FSHR: variants seen among roughly 807,000 people sequenced by gnomAD.
FSHR encodes follicle-stimulating hormone receptor.
Under a neutral mutation model 52.1 loss-of-function variants are expected in FSHR, and 46 were observed. That is an observed-to-expected ratio of 0.88 (90% CI 0.70 to 1.13). The LOEUF (loss-of-function observed/expected upper bound fraction) is 1.13, where lower values mean the gene tolerates loss of function less well. FSHR is among the 50% of genes most tolerant of loss of function. The pLI, the probability that FSHR is intolerant of heterozygous loss-of-function variation, is 0.00. For missense variants in FSHR, 964 were observed against 834.6 expected, an observed-to-expected ratio of 1.16 and a Z score of -1.91; for synonymous variants, 399 against 309.6, an observed-to-expected ratio of 1.29 and a Z score of -3.03.
chr2:49,099,780 A>G (rs1472485326), intron 1 of FSHR, among the ~76,000 whole-genome samples: 5 of 152,104 alleles, frequency 3.3e-5, no homozygotes, highest in Admixed American at 3.3e-4. Context: ...GCTAAGAAAG[A>G]GGCATGGAAC....
intron 4 of FSHR, among the ~76,000 whole-genome samples, chr2:49,006,911 C>T (rs1300476863): frequency 6.6e-6 from 1 of 152,126 alleles, no homozygotes; most frequent in East Asian, 1.9e-4. Context: ...CACCACCTGA[C>T]ATTATCCAAC....
At chr2:49,029,855 G>T (rs1668039085) in intron 2 of FSHR, among the ~76,000 whole-genome samples, 1 of 152,088 alleles carries the variant, frequency 6.6e-6, no homozygotes, top group South Asian at 2.1e-4. Flanking sequence ...TGATCTCCAG[G>T]GTCCCTGCTA....
chr2:48,995,920 GCT>G (rs1389209503), intron 4 of FSHR, among the ~76,000 whole-genome samples: 2 of 152,120 alleles, frequency 1.3e-5, no homozygotes, highest in Non-Finnish European at 2.9e-5. Flanking sequence ...GTGTGAAACA[GCT>G]CTCTCTTAGT....
At chr2:49,072,590 G>A (rs1669777639) in intron 1 of FSHR, among the ~76,000 whole-genome samples, 1 of 152,064 alleles carries the variant, frequency 6.6e-6, no homozygotes, top group Admixed American at 6.6e-5. Flanking sequence ...AGAAACATTG[G>A]TAAAATGAAA....
At chr2:49,041,331 C>T (rs904412647) in intron 2 of FSHR, among the ~76,000 whole-genome samples, 8 of 152,138 alleles carry the variant, frequency 5.3e-5, no homozygotes, top group African/African-American at 1.4e-4. Flanking sequence ...ACAATGAACA[C>T]GCCTTTGCTG....
At position 49,137,216 on chromosome 2, in the gene FSHR, G is replaced by A. The variant is rs557121172; in HGVS notation, c.152+17050C>T. Among the ~76,000 whole-genome samples, 3 of 151,826 alleles carry A rather than the reference G, an allele frequency of 2.0e-5. No individual in the cohort carries two copies. In the East Asian group the frequency reaches 5.8e-4, roughly 29 times the overall value. ...AATTGTAGTTCTCTGTACTTGCAATGAACAAATTAAAAATAAGAGAAAAAT... is the reference window on the plus strand; with the variant it reads ...AATTGTAGTTCTCTGTACTTGCAATAAACAAATTAAAAATAAGAGAAAAAT... On this transcript the variant is annotated intron_variant, in intron 1 of 9. Transcript: ENST00000406846.
intron 8 of FSHR, among the ~76,000 whole-genome samples, chr2:48,974,635 G>C (rs911988669): frequency 6.6e-6 from 1 of 152,194 alleles, no homozygotes; most frequent in African/African-American, 2.4e-5. Context: ...TTTACTTAAA[G>C]CTTACTGTCT....
intron 9 of FSHR, among the ~76,000 whole-genome samples, 197 bp downstream of exon 9, chr2:48,968,501 C>A (rs887387893): frequency 6.6e-6 from 1 of 152,242 alleles, no homozygotes; most frequent in Non-Finnish European, 1.5e-5. Context: ...CTCCTGTGAG[C>A]CCACTTTCAA....
chr2:49,078,660 A>G (rs1356406099), intron 1 of FSHR, among the ~76,000 whole-genome samples: 1 of 152,198 alleles, frequency 6.6e-6, no homozygotes, highest in Non-Finnish European at 1.5e-5. Context: ...TAATAAACAT[A>G]GAAAATGTAT....
intron 1 of FSHR, among the ~76,000 whole-genome samples, chr2:49,078,861 C>G (rs1290546230): frequency 6.6e-6 from 1 of 151,862 alleles, no homozygotes; most frequent in Admixed American, 6.6e-5. Flanking sequence ...GATACCCTGG[C>G]CTACACAATA....
At chr2:49,005,613 T>C (rs1258759429) in intron 4 of FSHR, among the ~76,000 whole-genome samples, 1 of 152,066 alleles carries the variant, frequency 6.6e-6, no homozygotes, top group East Asian at 1.9e-4. Flanking sequence ...GTTTTAGGGG[T>C]TACTGAAAGT....
chr2:49,108,503 T>C (rs1671314555), intron 1 of FSHR, among the ~76,000 whole-genome samples: 4 of 152,122 alleles, frequency 2.6e-5, no homozygotes, highest in African/African-American at 7.2e-5. Context: ...CCAACCAAGC[T>C]CAGCTTAGAG....
chr2:49,067,270 C>T (rs907637026), intron 2 of FSHR, among the ~76,000 whole-genome samples: 2 of 152,110 alleles, frequency 1.3e-5, no homozygotes, highest in Non-Finnish European at 2.9e-5. Flanking sequence ...AACATAATGA[C>T]ATCTTCTATA....
intron 1 of FSHR, among the ~76,000 whole-genome samples, chr2:49,123,692 T>G (rs1389783156): frequency 6.6e-6 from 1 of 152,184 alleles, no homozygotes; most frequent in African/African-American, 2.4e-5. Flanking sequence ...ATGCCCTTCA[T>G]GCAAGATTCA....
At chr2:48,973,752 G>C (rs958965273) in intron 8 of FSHR, among the ~76,000 whole-genome samples, 3 of 152,172 alleles carry the variant, frequency 2.0e-5, no homozygotes, top group African/African-American at 7.2e-5. Flanking sequence ...AGATATACTG[G>C]GGAGTGACAT....
Position 49,049,426 on chromosome 2 carries a change from G to C in FSHR, c.224+18793C>G, listed in dbSNP as rs141064967. Among the ~76,000 whole-genome samples the C allele has an allele frequency of 2.4e-3, 365 of 152,206 alleles. 3 individuals carry two copies. The highest frequency in any genetic ancestry group is 8.2e-3 in the African/African-American group (341 of 41,536). ...CTTGAGTAACCTCTGTCATATCTTA[G>C]CACCTGGAAGTCTTAGTTGCTCAAT... On this transcript the variant is annotated intron_variant, in intron 2 of 9. Transcript: ENST00000406846.
intron 1 of FSHR, among the ~76,000 whole-genome samples, chr2:49,087,070 G>GT (rs56890721): frequency 0.1 from 8,701 of 86,456 alleles, 962 homozygotes; most frequent in African/African-American, 0.12. Context: ...TGTGGGCAGG[G>GT]TTTTTTTTTT....
rs201078200 is a variant in FSHR at position 48,963,226 on chromosome 2, A to G, written c.1595T>C (p.Met532Thr). ...IDSPLSQLYV[M>T]SLLVLNVLAF... ...CAGGACATTGAGCACAAGGAGGGAC[A>G]TGACATACAGCTGTGACAAAGGGCT... Residue 532 changes from methionine (M) to threonine (T), a missense_variant, in exon 10 of 10, where the codon ATG becomes ACG. Met to Thr is a moderately conservative substitution (Grantham distance 81). Transcript: ENST00000406846. The G allele has an allele frequency of 6.2e-7, 1 of 1,614,230 alleles. No homozygotes were observed. Among genetic ancestry groups the G allele is most frequent in the Non-Finnish European group, 8.5e-7 (1 of 1,180,036 alleles).
chr2:49,029,853 A>G (rs889032067), intron 2 of FSHR, among the ~76,000 whole-genome samples: 6 of 152,172 alleles, frequency 3.9e-5, no homozygotes, highest in Non-Finnish European at 4.4e-5. Flanking sequence ...AATGATCTCC[A>G]GGGTCCCTGC....
Sources: allele counts gnomAD v4.1 joint callset (sites outside exome capture counted in the v4.1 genomes callset), GRCh38; gene constraint gnomAD v4.1.1; transcripts MANE v1.5; gene names NCBI Gene and HGNC (gene_info 2026-07-23, HGNC 2026-07-21).